Variants in CEP250 observed in about 807,000 individuals in gnomAD.
CEP250 encodes centrosomal protein 250.
In CEP250, 242 loss-of-function variants were observed where a neutral mutation model predicts 315.7. The observed-to-expected ratio is 0.77, with a 90% CI of 0.69 to 0.85. The LOEUF is 0.85. Among genes scored for constraint, CEP250 ranks in the 40% least tolerant of loss-of-function variants. CEP250 has a pLI of 0.00. For synonymous variants in CEP250, 1,088 were observed against 1,175.0 expected, an observed-to-expected ratio of 0.93 and a Z score of 1.51; for missense variants, 2,515 against 2,886.4, an observed-to-expected ratio of 0.87 and a Z score of 2.95.
At chr20:35,473,303 C>T in intron 12 of CEP250, 71 bp from the exon 13 acceptor site, 1 of 1,398,224 alleles carries the variant, frequency 7.2e-7, no homozygotes, top group Non-Finnish European at 9.8e-7. Flanking sequence ...TCTCCAGCCC[C>T]ACTTTCGGGG....
chr20:35,493,473 G>A lies in CEP250; in HGVS notation c.2934G>A (p.Arg978=), dbSNP rs2147069854. 1.2e-6 allele frequency: 2 copies of A among 1,609,922 alleles called. No homozygotes were observed. Among genetic ancestry groups the A allele is most frequent in the South Asian group, 2.2e-5 (2 of 90,218 alleles). ...ILQTQLQEAQ[R]ELKEAARQHR... ...AGACCCAGCTCCAGGAGGCTCAACG[G>A]GAGCTGAAGGAGGCAGCCCGGCAGC... The change falls in exon 23 of 35, where the codon CGG becomes CGA. Residue 978 remains arginine, a synonymous_variant. Coordinates refer to ENST00000397527, the MANE Select transcript of CEP250 (RefSeq NM_007186.6).
In CEP250 at chr20:35,474,030, G is replaced by A. The variant is rs755584093; in HGVS notation, c.1549G>A (p.Ala517Thr). The A allele has an allele frequency of 4.4e-6, 7 of 1,581,028 alleles. No individual in the cohort carries two copies. Among genetic ancestry groups the A allele is most frequent in the Non-Finnish European group, 6.0e-6 (7 of 1,166,728 alleles). The change falls in exon 14 of 35, where the codon GCT becomes ACT. Residue 517 changes from alanine to threonine, a missense_variant. Coordinates refer to ENST00000397527, the MANE Select transcript of CEP250 (RefSeq NM_007186.6). ...KEEQQEELHL[A>T]VRERERLQEM... ...GGAACAGCAGGAGGAGCTGCACCTG[G>A]CTGTCCGGGAGAGGGAGCGTCTGTA...
At chr20:35,496,555 AC>A (rs1179628126) in intron 24 of CEP250, 21 bp from the exon 25 acceptor site, 5 of 1,611,346 alleles carry the variant, frequency 3.1e-6, no homozygotes, top group Non-Finnish European at 8.5e-7. Flanking sequence ...ATGGCCCAGC[AC>A]TCTGACCCCT....
Position 35,477,583 on chromosome 20 carries a change from A to G in CEP250, c.1864-288A>G, listed in dbSNP as rs73903075. Among the ~76,000 whole-genome samples, 362 of 152,264 alleles carry G rather than the reference A, an allele frequency of 2.4e-3. 1 individual carries two copies. The highest frequency in any genetic ancestry group is 8.4e-3 in the African/African-American group (348 of 41,560). On this transcript the variant is annotated intron_variant, in intron 16 of 34. Transcript: ENST00000397527. ...TTTAACCTATAATTATAGCGAGGGA[A>G]CCTCCTTGCAATCTCTGTTTCCTTG...
rs1166758356 is a variant in CEP250 at position 35,490,704 on chromosome 20, T to C, written c.2654T>C (p.Met885Thr). The C allele has an allele frequency of 3.1e-6, 5 of 1,613,230 alleles. No individual in the cohort carries two copies. Among genetic ancestry groups the C allele is most frequent in the Non-Finnish European group, 4.2e-6 (5 of 1,179,792 alleles). ...CTGGAGAGCTTAGAAAGGGAAAAAA[T>C]GGAGCTGGAAATGAGGCTAAAGGAG... ...KALESLEREKMELEMRLKEQQ... is the reference protein window; with the variant it reads ...KALESLEREKTELEMRLKEQQ... Residue 885 changes from methionine (M) to threonine (T), a missense_variant, in exon 21 of 35, where the codon ATG becomes ACG. Met to Thr is a moderately conservative substitution (Grantham distance 81). Transcript: ENST00000397527.
chr20:35,494,887 A>G (rs530925250), intron 24 of CEP250, among the ~76,000 whole-genome samples: 7 of 152,350 alleles, frequency 4.6e-5, no homozygotes, highest in African/African-American at 1.7e-4. Flanking sequence ...TTGGGGATAC[A>G]GTGATAAACA....
rs904484518 is a variant in CEP250, at chr20:35,517,922, A to G, written c.*6296A>G. Reference sequence around the variant, plus strand: ...TAGCTCAGTGTGATGATGTGCCTGTAGTCCCAGCTACTCGGGAGGCTGAGG... The same window carrying G: ...TAGCTCAGTGTGATGATGTGCCTGTGGTCCCAGCTACTCGGGAGGCTGAGG... On this transcript the variant is annotated 3_prime_UTR_variant, in exon 35 of 35. Transcript: ENST00000397527. The G allele has an allele frequency of 9.9e-5, 15 of 151,842 alleles. No individual in the cohort carries two copies. The highest frequency in any genetic ancestry group is 6.6e-4 in the Admixed American group (10 of 15,236). 9.4% of individuals were successfully genotyped at this position (151,842 alleles called of 1,614,324 possible). A position where few individuals can be genotyped will look rare whatever the true frequency, so the allele number is the denominator to read the frequency against.
intron 20 of CEP250, among the ~76,000 whole-genome samples, chr20:35,486,547 C>G (rs528416019): frequency 6.6e-6 from 1 of 152,130 alleles, no homozygotes; most frequent in Non-Finnish European, 1.5e-5. Context: ...CTGGCCTACA[C>G]CACAAGTCTT....
At chr20:35,501,492 G>A (rs540985483) in intron 28 of CEP250, among the ~76,000 whole-genome samples, 26 of 152,262 alleles carry the variant, frequency 1.7e-4, no homozygotes, top group African/African-American at 6.0e-4. Context: ...AGGAGCTCCT[G>A]CACAATTATA....
At chr20:35,459,779 A>T (rs2146647939) in intron 2 of CEP250, among the ~76,000 whole-genome samples, 1 of 152,114 alleles carries the variant, frequency 6.6e-6, no homozygotes, top group South Asian at 2.1e-4. Flanking sequence ...CTTTCTCTAA[A>T]AATAATAATA....
At chr20:35,499,961 G>A in intron 27 of CEP250, 88 bp from the exon 28 acceptor site, 1 of 1,553,714 alleles carries the variant, frequency 6.4e-7, no homozygotes, top group Non-Finnish European at 8.8e-7. Flanking sequence ...GCCCACCACA[G>A]AAGCTGAGAA....
intron 20 of CEP250, among the ~76,000 whole-genome samples, chr20:35,485,135 G>A (rs975953996): frequency 1.6e-4 from 24 of 151,894 alleles, no homozygotes; most frequent in Admixed American, 5.9e-4. Flanking sequence ...CACTTTGGGA[G>A]GCCTAGGTGG....
Position 35,463,611 on chromosome 20 carries a change from A to G in CEP250, c.223A>G (p.Lys75Glu). 6.2e-7 allele frequency: 1 copy of G among 1,608,394 alleles called. No individual in the cohort carries two copies. The change falls in exon 5 of 35, where the codon AAG becomes GAG. Residue 75 changes from lysine to glutamate, a missense_variant. Lys to Glu is a moderately conservative substitution (Grantham distance 56). Coordinates refer to ENST00000397527, the MANE Select transcript of CEP250 (RefSeq NM_007186.6). Reference protein sequence around the residue: ...QYRSWCQELEKRLEATGGPIP... With the variant: ...QYRSWCQELEERLEATGGPIP... Reference sequence around the variant, plus strand: ...CCGAAGCTGGTGCCAAGAGCTGGAGAAGCGGCTAGAAGCCACTGGAGTGAG... The same window carrying G: ...CCGAAGCTGGTGCCAAGAGCTGGAGGAGCGGCTAGAAGCCACTGGAGTGAG...
intron 1 of CEP250, among the ~76,000 whole-genome samples, chr20:35,456,786 CTTT>C (rs3838370): frequency 1.4e-5 from 2 of 141,344 alleles, no homozygotes; most frequent in Admixed American, 7.1e-5. Flanking sequence ...CCTCCCCCCA[CTTT>C]TTTTTTTTTT....
chr20:35,508,555 C>T (rs528065811), intron 32 of CEP250, among the ~76,000 whole-genome samples: 1 of 152,246 alleles, frequency 6.6e-6, no homozygotes, highest in East Asian at 1.9e-4. Context: ...CCTTGTGATC[C>T]GCCTGCCTCA....
chr20:35,514,260 G>A lies in CEP250; in HGVS notation c.*2634G>A, dbSNP rs2064409156. 6.6e-6 allele frequency: 1 copy of A among 152,322 alleles called. No individual in the cohort carries two copies. The highest frequency in any genetic ancestry group is 3.2e-3 in the Middle Eastern group (1 of 316). The allele number at this position is 152,322 out of a possible 1,614,324, so 9.4% of individuals were successfully genotyped here. On this transcript the variant is annotated 3_prime_UTR_variant, in exon 35 of 35. Coordinates refer to ENST00000397527, the MANE Select transcript of CEP250 (RefSeq NM_007186.6). ...ATCCAGCAGACGGGAGGAGTCCCTG[G>A]CAGTCCAGCCAGTTCTCGTGGATGT...
intron 16 of CEP250, among the ~76,000 whole-genome samples, chr20:35,477,280 G>A (rs1452511189): frequency 2.0e-5 from 3 of 152,198 alleles, no homozygotes. Flanking sequence ...AAAGTGCTAG[G>A]ATTACAGGCG....
Position 35,501,947 on chromosome 20 carries a change from TAC to T in CEP250, c.4003_4004del (p.Gln1335AlafsTer7). 6.2e-7 allele frequency: 1 copy of T among 1,612,916 alleles called. No individual in the cohort carries two copies. Among genetic ancestry groups the T allele is most frequent in the Non-Finnish European group, 8.5e-7 (1 of 1,179,966 alleles). The stretch of plus-strand genomic sequence containing the variant: ...CAGAGTCGCCTGCGGAGAGCAGAGC[TAC>T]AGCGAATGGAAGCCCAGGTAAAGTG... On this transcript the variant is annotated frameshift_variant, in exon 29 of 35. Coordinates refer to ENST00000397527, the MANE Select transcript of CEP250 (RefSeq NM_007186.6). LOFTEE classifies it high-confidence loss of function.
chr20:35,493,286 G>A, intron 22 of CEP250, 143 bp from the exon 23 acceptor site: 1 of 730,096 alleles, frequency 1.4e-6, no homozygotes, highest in Non-Finnish European at 2.2e-6. Context: ...TTGTGAGGGA[G>A]GAGAGGGACT....
Sources: allele counts gnomAD v4.1 joint callset (sites outside exome capture counted in the v4.1 genomes callset), GRCh38; gene constraint gnomAD v4.1.1; transcripts MANE v1.5; gene names NCBI Gene and HGNC (gene_info 2026-07-23, HGNC 2026-07-21).